Variants in TUSC3 observed in about 807,000 individuals in gnomAD.
The protein encoded by TUSC3 is dolichyl-diphosphooligosaccharide--protein glycosyltransferase subunit TUSC3.
A neutral mutation model predicts 44.8 loss-of-function variants in TUSC3; 45 were observed. The observed-to-expected ratio is 1.00, with a 90% CI of 0.79 to 1.29. TUSC3 has a LOEUF of 1.29. Among genes scored for constraint, TUSC3 ranks in the 50% most tolerant of loss-of-function variants. TUSC3 has a pLI of 0.00. For synonymous variants in TUSC3, 212 were observed against 152.9 expected, an observed-to-expected ratio of 1.39 and a Z score of -2.85; for missense variants, 519 against 437.9, an observed-to-expected ratio of 1.19 and a Z score of -1.65.
chr8:15,779,139 G>C, the TUSC3 span, among the ~76,000 whole-genome samples: 1 of 141,034 alleles, frequency 7.1e-6, no homozygotes, highest in South Asian at 2.2e-4. Context: ...TCTAGTAAAA[G>C]AGTAAGTATA....
intron 8 of TUSC3, among the ~76,000 whole-genome samples, chr8:15,746,032 G>C (rs1258082433): frequency 2.0e-5 from 3 of 152,028 alleles, no homozygotes; most frequent in Admixed American, 2.0e-4. Flanking sequence ...TCTCCCCATT[G>C]CTTGTTTTTG....
At chr8:15,633,737 G>C (rs934147934) in intron 2 of TUSC3, among the ~76,000 whole-genome samples, 1 of 152,166 alleles carries the variant, frequency 6.6e-6, no homozygotes, top group Non-Finnish European at 1.5e-5. Context: ...GAAGAGGCAA[G>C]GAAAGATTCT....
intron 1 of TUSC3, among the ~76,000 whole-genome samples, chr8:15,469,324 A>C (rs995216340): frequency 3.3e-5 from 5 of 152,254 alleles, no homozygotes; most frequent in African/African-American, 1.2e-4. Flanking sequence ...ATAAGAAATC[A>C]AATCCATTAA....
the TUSC3 span, among the ~76,000 whole-genome samples, chr8:15,846,111 C>G: frequency 1.2e-4 from 18 of 152,100 alleles, no homozygotes; most frequent in African/African-American, 1.7e-4. Flanking sequence ...ATTACCTCCC[C>G]CTGAGTCCCT....
chr8:15,808,497 G>A, the TUSC3 span, among the ~76,000 whole-genome samples: 5,118 of 152,098 alleles, frequency 0.034, 291 homozygotes, highest in African/African-American at 0.12. Flanking sequence ...TATATCTCTT[G>A]TTGGCCAATT....
At chr8:15,619,647 A>G (rs567112690) in intron 1 of TUSC3, among the ~76,000 whole-genome samples, 1 of 151,972 alleles carries the variant, frequency 6.6e-6, no homozygotes, top group Non-Finnish European at 1.5e-5. Flanking sequence ...GCCCGCCACC[A>G]CGCCTGGCTA....
chr8:15,622,359 T>G (rs1319395199), intron 1 of TUSC3, among the ~76,000 whole-genome samples: 1 of 152,002 alleles, frequency 6.6e-6, no homozygotes, highest in African/African-American at 2.4e-5. Flanking sequence ...CTTGAACTCC[T>G]TGGGCTCAAG....
chr8:15,488,738 A>G (rs1456698403), intron 2 of TUSC3, among the ~76,000 whole-genome samples: 1 of 152,180 alleles, frequency 6.6e-6, no homozygotes, highest in Non-Finnish European at 1.5e-5. Flanking sequence ...ATGTGGCAAG[A>G]AAGTGCAGAC....
chr8:15,525,578 A>C (rs1025901714), intron 2 of TUSC3, among the ~76,000 whole-genome samples: 2 of 152,194 alleles, frequency 1.3e-5, no homozygotes, highest in African/African-American at 4.8e-5. Context: ...AAGAGTGTAA[A>C]GTGGTCCTGA....
At chr8:15,841,570 G>A in the TUSC3 span, among the ~76,000 whole-genome samples, 1 of 151,830 alleles carries the variant, frequency 6.6e-6, no homozygotes, top group Non-Finnish European at 1.5e-5. Flanking sequence ...CTAGCGTGCA[G>A]TGGCAGGATC....
At chr8:15,832,702 G>A in the TUSC3 span, among the ~76,000 whole-genome samples, 4 of 152,074 alleles carry the variant, frequency 2.6e-5, no homozygotes, top group Non-Finnish European at 5.9e-5. Context: ...CTTACATAAG[G>A]GTAAAGGGTT....
chr8:15,840,611 T>G, the TUSC3 span, among the ~76,000 whole-genome samples: 23,925 of 152,126 alleles, frequency 0.16, 2,082 homozygotes, highest in Admixed American at 0.28. Context: ...CTGAAGTTTC[T>G]TAATTCCTAG....
intron 6 of TUSC3, 130 bp from the exon 7 acceptor site, chr8:15,730,536 T>C (rs768329329): frequency 2.0e-4 from 175 of 856,326 alleles, no homozygotes; most frequent in Non-Finnish European, 2.9e-4. Context: ...TAATTGGAAC[T>C]TAGTAGAAAG....
chr8:15,606,463 T>G (rs1334865717), intron 1 of TUSC3, among the ~76,000 whole-genome samples: 4 of 152,082 alleles, frequency 2.6e-5, no homozygotes, highest in African/African-American at 9.7e-5. Context: ...TTTGACTGTG[T>G]GGGTGCCCCT....
chr8:15,777,495 C>T, the TUSC3 span, among the ~76,000 whole-genome samples: 1 of 152,082 alleles, frequency 6.6e-6, no homozygotes, highest in African/African-American at 2.4e-5. Flanking sequence ...ACATATAATT[C>T]AAATTTTCAC....
At chr8:15,473,364 C>G (rs987938636) in intron 1 of TUSC3, among the ~76,000 whole-genome samples, 2 of 152,180 alleles carry the variant, frequency 1.3e-5, no homozygotes, top group Non-Finnish European at 2.9e-5. Context: ...CATACCCTGT[C>G]CTTGCTAGTA....
the TUSC3 span, among the ~76,000 whole-genome samples, chr8:15,840,127 C>G: frequency 6.6e-6 from 1 of 151,952 alleles, no homozygotes; most frequent in Non-Finnish European, 1.5e-5. Context: ...TATCGCAAGA[C>G]CAAAAAAACA....
At chr8:15,695,736 C>T (rs796633733) in intron 6 of TUSC3, among the ~76,000 whole-genome samples, 62 of 152,222 alleles carry the variant, frequency 4.1e-4, no homozygotes, top group African/African-American at 1.5e-3. Context: ...CTAAGGTGGT[C>T]TCAGATGGAG....
At chr8:15,687,173 C>A (rs1231876756) in intron 6 of TUSC3, among the ~76,000 whole-genome samples, 1 of 151,980 alleles carries the variant, frequency 6.6e-6, no homozygotes, top group South Asian at 2.1e-4. Flanking sequence ...GAGATTCTTC[C>A]CTCTTATTTA....
Sources: allele counts gnomAD v4.1 joint callset (sites outside exome capture counted in the v4.1 genomes callset), GRCh38; gene constraint gnomAD v4.1.1; transcripts MANE v1.5; gene names NCBI Gene and HGNC (gene_info 2026-07-23, HGNC 2026-07-21).